The following RRM2 variants were observed in gnomAD, a reference collection of about 807,000 sequenced individuals.
RRM2 encodes the protein ribonucleotide reductase regulatory subunit M2.
Under a neutral mutation model 45.9 loss-of-function variants are expected in RRM2, and 6 were observed. The ratio of observed to expected loss-of-function variants is 0.13; its 90% CI spans 0.07 to 0.26. The LOEUF (loss-of-function observed/expected upper bound fraction) is 0.26, where lower values mean the gene tolerates loss of function less well. Ranked by LOEUF, RRM2 falls within the 10% of genes least tolerant of loss-of-function variation. RRM2 has a pLI of 1.00. For missense variants in RRM2, 343 were observed against 489.5 expected, an observed-to-expected ratio of 0.70 and a Z score of 2.82; for synonymous variants, 177 against 173.0, an observed-to-expected ratio of 1.02 and a Z score of -0.18.
At chr2:10,125,479 G>A (rs377693536) in intron 5 of RRM2, among the ~76,000 whole-genome samples, 10 of 152,158 alleles carry the variant, frequency 6.6e-5, no homozygotes, top group East Asian at 3.9e-4. Flanking sequence ...GCTGAAGCGG[G>A]CGGACAATGA....
intron 3 of RRM2, among the ~76,000 whole-genome samples, chr2:10,156,427 G>A (rs1012361396): frequency 2.6e-5 from 4 of 152,274 alleles, no homozygotes; most frequent in African/African-American, 9.6e-5. Flanking sequence ...TGAATGCTGT[G>A]AGCAGGGGAA....
intron 3 of RRM2, among the ~76,000 whole-genome samples, chr2:10,182,489 A>C (rs1320073666): frequency 6.6e-6 from 1 of 152,222 alleles, no homozygotes; most frequent in Admixed American, 6.5e-5. Flanking sequence ...CAGCAGCCCT[A>C]AAAAATAAAT....
In RRM2 at chr2:10,167,919, A is replaced by T. The variant is rs550098038; in HGVS notation, n.482+25544A>T. Among the ~76,000 whole-genome samples, 5 of 152,276 alleles carry T rather than the reference A, an allele frequency of 3.3e-5. No individual in the cohort carries two copies. The South Asian group carries it at 1.0e-3, about 32-fold the overall frequency. On this transcript the variant is annotated intron_variant and non_coding_transcript_variant, in intron 3 of 3. Coordinates refer to the RRM2 transcript ENST00000381786. The stretch of plus-strand genomic sequence containing the variant: ...GCTTTCTTGGAGACAGCTCTAAAGC[A>T]TGCAAACTATAGTGTCAGGAGGAAA...
At chr2:10,123,921 C>A (rs975613112) in intron 4 of RRM2, 69 bp downstream of exon 4, 1 of 879,950 alleles carries the variant, frequency 1.1e-6, no homozygotes, top group Non-Finnish European at 1.9e-6. Context: ...TCGCTTTCCT[C>A]GTCTTGTATG....
In RRM2 at chr2:10,205,977, G is replaced by A. The variant is rs1664655964; in HGVS notation, n.483-4334G>A. Among the ~76,000 whole-genome samples, 1 of 152,114 alleles carries A rather than the reference G, an allele frequency of 6.6e-6. No homozygotes were observed. The highest frequency in any genetic ancestry group is 2.4e-5 in the African/African-American group (1 of 41,436). ...CAAAGTTCTGGGATTACAGGCATGAGCCACTGCGCCTGGCCAAGAGGGTGT... is the reference window on the plus strand; with the variant it reads ...CAAAGTTCTGGGATTACAGGCATGAACCACTGCGCCTGGCCAAGAGGGTGT... On this transcript the variant is annotated intron_variant and non_coding_transcript_variant, in intron 3 of 3. Transcript: ENST00000381786. The surrounding 1 kb of genome is among the most constrained non-coding windows in gnomAD (Gnocchi z 4.8).
At chr2:10,164,892 C>T (rs1382392081) in intron 3 of RRM2, among the ~76,000 whole-genome samples, 1 of 152,226 alleles carries the variant, frequency 6.6e-6, no homozygotes, top group African/African-American at 2.4e-5. Flanking sequence ...TGGCTGCCAT[C>T]ACCGACTGCG....
At chr2:10,146,961 TTTA>T (rs1663199326) in intron 3 of RRM2, among the ~76,000 whole-genome samples, 3 of 152,220 alleles carry the variant, frequency 2.0e-5, no homozygotes, top group Admixed American at 6.5e-5. Context: ...TTTATTTATT[TTTA>T]TTTATTTTTT....
chr2:10,133,959 ACCTGAGGTCAGGAGTTTGAGACCAG>A (rs1455056234), downstream of RRM2, among the ~76,000 whole-genome samples: 4 of 151,944 alleles, frequency 2.6e-5, no homozygotes, highest in Admixed American at 2.6e-4. Flanking sequence ...TGGGCGGATC[ACCTGAGGTCAGGAGTTTGAGACCAG>A]CCTGGCCAAC....
Position 10,127,558 on chromosome 2 carries a change from T to G in RRM2, c.798+338T>G, listed in dbSNP as rs148236267. Among the ~76,000 whole-genome samples the G allele has an allele frequency of 0.014, 2,207 of 152,284 alleles. 53 individuals are homozygous for G. Among genetic ancestry groups the G allele is most frequent in the African/African-American group, 0.05 (2,095 of 41,558 alleles). ...GGCGTGATCTTGGCTCACTGCAACC[T>G]CTGCCTCCTAGGTTCAAGTGATTCT... On this transcript the variant is annotated intron_variant, in intron 7 of 9. Coordinates refer to ENST00000304567, the MANE Select transcript of RRM2 (RefSeq NM_001034.4). The surrounding 1 kb of genome is among the most constrained non-coding windows in gnomAD (Gnocchi z 4.1).
intron 3 of RRM2, among the ~76,000 whole-genome samples, chr2:10,190,647 G>A (rs1041409701): frequency 2.7e-5 from 4 of 149,136 alleles, no homozygotes; most frequent in African/African-American, 1.0e-4. Context: ...GGTGATGGTG[G>A]GGTTGGTGGT....
chr2:10,147,428 A>G (rs768984607), intron 3 of RRM2, among the ~76,000 whole-genome samples: 2 of 151,912 alleles, frequency 1.3e-5, no homozygotes, highest in Non-Finnish European at 2.9e-5. Flanking sequence ...ACAGGCATGC[A>G]CTACCACACC....
At chr2:10,143,306 G>C (rs1428676455) in intron 3 of RRM2, among the ~76,000 whole-genome samples, 1 of 152,202 alleles carries the variant, frequency 6.6e-6, no homozygotes, top group Non-Finnish European at 1.5e-5. Flanking sequence ...CTTTCCCTGG[G>C]AACCTCCTCA....
intron 3 of RRM2, among the ~76,000 whole-genome samples, chr2:10,198,121 A>G (rs1664452009): frequency 6.6e-6 from 1 of 152,142 alleles, no homozygotes; most frequent in Non-Finnish European, 1.5e-5. Flanking sequence ...TCTCCCCTGT[A>G]TGTACCGCAT....
chr2:10,148,411 T>A (rs563142837), intron 3 of RRM2, among the ~76,000 whole-genome samples: 3,656 of 145,190 alleles, frequency 0.025, 159 homozygotes, highest in African/African-American at 0.088. Flanking sequence ...GAAAAAAAAA[T>A]ATTCAGTTAT....
At position 10,205,927 on chromosome 2, in the gene RRM2, A is replaced by C. The variant is rs954977254; in HGVS notation, n.483-4384A>C. Among the ~76,000 whole-genome samples, 4 of 152,108 alleles carry C rather than the reference A, an allele frequency of 2.6e-5. No homozygotes were observed. The highest frequency in any genetic ancestry group is 9.6e-5 in the African/African-American group (4 of 41,556). On this transcript the variant is annotated intron_variant and non_coding_transcript_variant, in intron 3 of 3. Transcript: ENST00000381786. This position sits in a 1 kb window ranked among gnomAD's most constrained non-coding sequence, Gnocchi z 4.8. ...AGGCTGGTCTCGAACTCCTGACCTC[A>C]TATGATCCTCCCGCCTTGGCTTCCC...
intron 3 of RRM2, chr2:10,192,733 T>C (rs1664335767): frequency 7.7e-6 from 1 of 130,310 alleles, no homozygotes; most frequent in African/African-American, 2.9e-5. Context: ...CACTGTGGAC[T>C]TGGGCACTGC....
intron 5 of RRM2, chr2:10,126,655 A>T (rs1662785362): frequency 1.8e-6 from 1 of 561,136 alleles, no homozygotes; most frequent in Non-Finnish European, 3.1e-6. Context: ...GAATACCCAA[A>T]CTTGTATTAA....
Position 10,189,344 on chromosome 2 carries a change from C to T in RRM2, n.483-20967C>T, listed in dbSNP as rs987554349. On this transcript the variant is annotated intron_variant and non_coding_transcript_variant, in intron 3 of 3. Transcript: ENST00000381786. ...GGGAGATGAATGTGAGGCGCTGCCC[C>T]GGAGGAGACAGGAATGGCTCATCAG... Among the ~76,000 whole-genome samples the T allele has an allele frequency of 7.2e-5, 11 of 152,166 alleles. No homozygotes were observed. The South Asian group carries it at 1.0e-3, about 14-fold the overall frequency.
chr2:10,183,529 G>A (rs1664103231), intron 3 of RRM2, among the ~76,000 whole-genome samples: 1 of 152,212 alleles, frequency 6.6e-6, no homozygotes, highest in South Asian at 2.1e-4. Flanking sequence ...GCAGACCTCT[G>A]TTGCTCTGTG....
Sources: gnomAD v4.1 joint callset for allele counts (sites outside exome capture counted in the v4.1 genomes callset) on GRCh38, gnomAD v4.1.1 for gene constraint, Gnocchi (gnomAD v3.1) non-coding constraint, MANE v1.5 for transcripts, NCBI Gene and HGNC (gene_info 2026-07-23, HGNC 2026-07-21) for gene names.